PTPRD: variants seen among roughly 807,000 people sequenced by gnomAD.
PTPRD encodes the protein protein tyrosine phosphatase receptor type D, also known as receptor-type tyrosine-protein phosphatase delta.
PTPRD carries 34 observed loss-of-function variants against 214.5 expected under a neutral mutation model. The ratio of observed to expected loss-of-function variants is 0.16; its 90% confidence interval spans 0.12 to 0.21. The LOEUF is 0.21. Among genes scored for constraint, PTPRD ranks in the 10% least tolerant of loss-of-function variants. The pLI is 1.00. For synonymous variants in PTPRD, 1,128 were observed against 845.7 expected (o/e 1.33, Z -5.79); for missense variants, 2,545 against 2,398.7 (o/e 1.06, Z -1.27).
chr9:9,096,143 G>C (rs1001306378), intron 10 of PTPRD, among the ~76,000 whole-genome samples: 1 of 152,214 alleles, frequency 6.6e-6, no homozygotes, highest in Non-Finnish European at 1.5e-5. Context: ...ACCAAGTCTA[G>C]AGATTTCATG....
At chr9:10,328,663 A>T (rs16925833) in intron 3 of PTPRD, among the ~76,000 whole-genome samples, 1 of 151,910 alleles carries the variant, frequency 6.6e-6, no homozygotes, top group South Asian at 2.1e-4. Flanking sequence ...ATATTTGATT[A>T]TACGTTACAT....
chr9:8,504,428 G>T (rs1191906557), intron 22 of PTPRD, 23 bp from the exon 23 acceptor site: 6 of 1,613,634 alleles, frequency 3.7e-6, no homozygotes, highest in Non-Finnish European at 4.2e-6. Context: ...AGAGAATGTG[G>T]TCATCTTCAT....
intron 12 of PTPRD, among the ~76,000 whole-genome samples, chr9:8,731,917 A>G (rs1433036480): frequency 6.6e-6 from 1 of 152,222 alleles, no homozygotes; most frequent in Non-Finnish European, 1.5e-5. Context: ...CTTTTTAGCT[A>G]TAATGGGAGG....
chr9:9,855,056 C>G (rs1165011222), intron 5 of PTPRD, among the ~76,000 whole-genome samples: 2 of 152,186 alleles, frequency 1.3e-5, no homozygotes, highest in African/African-American at 4.8e-5. Flanking sequence ...TTCCCCATAG[C>G]CGATGGTGGC....
At chr9:8,706,452 C>T (rs115182352) in intron 12 of PTPRD, among the ~76,000 whole-genome samples, 351 of 152,262 alleles carry the variant, frequency 2.3e-3, no homozygotes, top group African/African-American at 8.1e-3. Flanking sequence ...GACAAGTGTT[C>T]ATGGTTTTGC....
In PTPRD at chr9:8,528,570, GA is replaced by G. The variant is rs761390069; in HGVS notation, c.541+20del. 1 of 1,605,936 alleles carries G rather than the reference GA, an allele frequency of 6.2e-7. No homozygotes were observed. Among genetic ancestry groups the G allele is most frequent in the African/African-American group, 1.3e-5 (1 of 74,738 alleles). On this transcript the variant is annotated intron_variant, in intron 15 of 45. Transcript: ENST00000381196. Reference sequence around the variant, plus strand: ...AAAAAAAATTCTCTAGGAGTTAGTAGAAACAGTAACAAGACCCTACCTGATC... The same window carrying G: ...AAAAAAAATTCTCTAGGAGTTAGTAGAACAGTAACAAGACCCTACCTGATC...
chr9:9,542,653 AAAG>A (rs1223190655), intron 8 of PTPRD, among the ~76,000 whole-genome samples: 2 of 151,746 alleles, frequency 1.3e-5, no homozygotes, highest in African/African-American at 2.4e-5. Flanking sequence ...TCTGAGAGAA[AAAG>A]AATAGGCACA....
intron 10 of PTPRD, among the ~76,000 whole-genome samples, chr9:9,051,912 A>G (rs2099686491): frequency 6.6e-6 from 1 of 152,236 alleles, no homozygotes; most frequent in Admixed American, 6.5e-5. Flanking sequence ...ATCATAATGA[A>G]TCTAAAATAA....
intron 10 of PTPRD, among the ~76,000 whole-genome samples, chr9:9,063,902 C>A (rs1348092347): frequency 6.6e-6 from 1 of 152,048 alleles, no homozygotes; most frequent in Admixed American, 6.6e-5. Context: ...TGCAATAATT[C>A]AAAGAGAGTA....
chr9:9,407,757 T>C (rs549369112), intron 8 of PTPRD, among the ~76,000 whole-genome samples: 1 of 151,960 alleles, frequency 6.6e-6, no homozygotes, highest in East Asian at 1.9e-4. Context: ...GAATAAATTA[T>C]CTAACACACA....
intron 6 of PTPRD, among the ~76,000 whole-genome samples, chr9:9,764,954 A>C (rs1263823290): frequency 6.6e-6 from 1 of 152,192 alleles, no homozygotes; most frequent in South Asian, 2.1e-4. Context: ...CTGCACATCC[A>C]TGGGAAACTG....
intron 8 of PTPRD, among the ~76,000 whole-genome samples, chr9:9,439,894 G>C (rs1347744051): frequency 6.6e-6 from 1 of 152,094 alleles, no homozygotes; most frequent in African/African-American, 2.4e-5. Flanking sequence ...AATTTTTCCA[G>C]TGTCTTGCAG....
At chr9:9,055,401 A>G (rs2099694338) in intron 10 of PTPRD, among the ~76,000 whole-genome samples, 1 of 152,210 alleles carries the variant, frequency 6.6e-6, no homozygotes, top group Admixed American at 6.5e-5. Context: ...TATGTTGAAC[A>G]TGGTCAGTAC....
chr9:10,576,816 G>A (rs756056224), intron 2 of PTPRD, among the ~76,000 whole-genome samples: 28 of 152,026 alleles, frequency 1.8e-4, no homozygotes, highest in Non-Finnish European at 3.2e-4. Flanking sequence ...AAACATTTGT[G>A]AACAAAAAAT....
chr9:8,565,561 A>G (rs1047154986), intron 14 of PTPRD, among the ~76,000 whole-genome samples: 2 of 152,090 alleles, frequency 1.3e-5, no homozygotes, highest in Non-Finnish European at 2.9e-5. Flanking sequence ...TTGCTACCAT[A>G]CAGAAATAGG....
chr9:9,482,590 G>A (rs1301531127), intron 8 of PTPRD, among the ~76,000 whole-genome samples: 2 of 152,152 alleles, frequency 1.3e-5, no homozygotes, highest in Non-Finnish European at 2.9e-5. Flanking sequence ...TCTTGTACCA[G>A]CACTACAGAT....
intron 2 of PTPRD, among the ~76,000 whole-genome samples, chr9:10,422,733 T>G (rs2154516615): frequency 6.6e-6 from 1 of 152,130 alleles, no homozygotes; most frequent in East Asian, 1.9e-4. Flanking sequence ...ATCAGAGAAA[T>G]GCAAATCAAA....
At chr9:10,120,925 T>C (rs1288785284) in intron 3 of PTPRD, among the ~76,000 whole-genome samples, 1 of 151,976 alleles carries the variant, frequency 6.6e-6, no homozygotes, top group Admixed American at 6.6e-5. Context: ...TAGACAAAGC[T>C]CACGTAGACA....
chr9:9,445,705 T>C (rs532672472), intron 8 of PTPRD, among the ~76,000 whole-genome samples: 34 of 152,268 alleles, frequency 2.2e-4, no homozygotes, highest in African/African-American at 7.7e-4. Flanking sequence ...CCCCCATGAT[T>C]CAGTTACCTC....
Sources: gnomAD v4.1 joint callset for allele counts (sites outside exome capture counted in the v4.1 genomes callset) on GRCh38, gnomAD v4.1.1 for gene constraint, MANE v1.5 for transcripts, NCBI Gene and HGNC (gene_info 2026-07-23, HGNC 2026-07-21) for gene names.